The following PTPRD variants were observed in gnomAD, a reference collection of about 807,000 sequenced individuals.
PTPRD encodes receptor-type tyrosine-protein phosphatase delta.
In PTPRD, 34 loss-of-function variants were observed where a neutral mutation model predicts 214.5. The ratio of observed to expected loss-of-function variants is 0.16; its 90% CI spans 0.12 to 0.21. The LOEUF (loss-of-function observed/expected upper bound fraction) is 0.21. Ranked by LOEUF, PTPRD falls within the 10% of genes least tolerant of loss-of-function variation. The probability of loss-of-function intolerance (pLI) is 1.00; values close to 1 mark genes in which losing one functional copy is unlikely to be tolerated. For synonymous variants in PTPRD, 1,128 were observed against 845.7 expected (o/e 1.33, Z -5.79); for missense variants, 2,545 against 2,398.7 (o/e 1.06, Z -1.27).
At chr9:9,950,311 G>A (rs1248671150) in intron 4 of PTPRD, among the ~76,000 whole-genome samples, 1 of 152,140 alleles carries the variant, frequency 6.6e-6, no homozygotes, top group African/African-American at 2.4e-5. Flanking sequence ...TAGAAGTGTG[G>A]GGAGTTCATT....
At chr9:8,371,557 G>C (rs776568551) in intron 39 of PTPRD, among the ~76,000 whole-genome samples, 1 of 152,018 alleles carries the variant, frequency 6.6e-6, no homozygotes, top group African/African-American at 2.4e-5. Context: ...TTTCTCCAGA[G>C]TTACAACTCA....
chr9:8,735,152 G>GTTT (rs1380564021), intron 11 of PTPRD, among the ~76,000 whole-genome samples: 15 of 125,524 alleles, frequency 1.2e-4, no homozygotes, highest in East Asian at 8.8e-4. Flanking sequence ...TTTTTTTTCT[G>GTTT]TTTTTTTTTT....
chr9:9,430,655 C>T (rs2082731467), intron 8 of PTPRD, among the ~76,000 whole-genome samples: 2 of 152,176 alleles, frequency 1.3e-5, no homozygotes, highest in South Asian at 4.1e-4. Context: ...TCAAACTATA[C>T]TACAATGCTA....
At chr9:9,539,993 T>A (rs997827851) in intron 8 of PTPRD, among the ~76,000 whole-genome samples, 1 of 151,842 alleles carries the variant, frequency 6.6e-6, no homozygotes, top group Non-Finnish European at 1.5e-5. Flanking sequence ...TTTATCCCAT[T>A]TTGAGATGAA....
Position 9,528,205 on chromosome 9 carries a change from T to C in PTPRD, c.-237+46527A>G, listed in dbSNP as rs576275463. Among the ~76,000 whole-genome samples the C allele has an allele frequency of 1.1e-3, 169 of 152,244 alleles. 1 individual carries two copies. The highest frequency in any genetic ancestry group is 3.6e-3 in the African/African-American group (151 of 41,528). On this transcript the variant is annotated intron_variant, in intron 8 of 45. Coordinates refer to ENST00000381196, the MANE Select transcript of PTPRD (RefSeq NM_002839.4). Reference sequence around the variant, plus strand: ...ATCTTCAAGGGACTCTACCAAGCCTTTCACTGAGCAATTGTCTGTGTATTC... The same window carrying C: ...ATCTTCAAGGGACTCTACCAAGCCTCTCACTGAGCAATTGTCTGTGTATTC...
Position 8,821,857 on chromosome 9 carries a change from G to A in PTPRD, c.-103-87911C>T, listed in dbSNP as rs1333209475. 2.0e-5 allele frequency among the ~76,000 whole-genome samples: 3 copies of A among 152,218 alleles called. No individual in the cohort carries two copies. The East Asian group carries it at 5.8e-4, about 29-fold the overall frequency. ...TTTTTGTATTTTTAGTAGAGACGGG[G>A]TTTCACCATCTTGGCCAGGCTGGTA... is the stretch of plus-strand genomic sequence containing the variant. On this transcript the variant is annotated intron_variant, in intron 11 of 45. Transcript: ENST00000381196.
rs1315743688 is a variant in PTPRD at position 9,757,120 on chromosome 9, G to T, written c.-326+9690C>A. ...ACAGGAATTCAGGCCCTATAACAAA[G>T]ATTGGGCAGTTTACCGAGATTCCCT... On this transcript the variant is annotated intron_variant, in intron 6 of 45. Transcript: ENST00000381196. 2.0e-5 allele frequency among the ~76,000 whole-genome samples: 3 copies of T among 152,152 alleles called. No individual in the cohort carries two copies. In the East Asian group the frequency reaches 5.8e-4, roughly 29 times the overall value.
At chr9:9,348,179 C>A (rs1163873219) in intron 9 of PTPRD, among the ~76,000 whole-genome samples, 3 of 152,094 alleles carry the variant, frequency 2.0e-5, no homozygotes, top group Non-Finnish European at 2.9e-5. Context: ...AGAAAAGAAG[C>A]AAGAATGTTA....
At chr9:9,292,029 A>G (rs1951322902) in intron 9 of PTPRD, among the ~76,000 whole-genome samples, 1 of 151,296 alleles carries the variant, frequency 6.6e-6, no homozygotes, top group South Asian at 2.1e-4. Context: ...GGTAATGTGA[A>G]TAAGTAATAC....
chr9:8,694,943 T>C (rs1188334931), intron 12 of PTPRD, among the ~76,000 whole-genome samples: 1 of 152,228 alleles, frequency 6.6e-6, no homozygotes, highest in East Asian at 1.9e-4. Flanking sequence ...TTTTGGGCTA[T>C]AGATAACAGA....
chr9:10,546,419 C>T (rs1285623740), intron 2 of PTPRD, among the ~76,000 whole-genome samples: 2 of 152,034 alleles, frequency 1.3e-5, no homozygotes, highest in Non-Finnish European at 2.9e-5. Context: ...TGAAAAGCCT[C>T]AGCAAACTTT....
rs1352810949 is a variant in PTPRD at position 8,526,596 on chromosome 9, C to T, written c.568+31G>A. The T allele has an allele frequency of 1.9e-6, 3 of 1,550,170 alleles. No homozygotes were observed. The African/African-American group carries it at 4.1e-5, about 21-fold the overall frequency. ...AAAGGACAGAAAGAATGAGTAAGAT[C>T]ATTCTGTGAACGTTAGTTCAGCACT... On this transcript the variant is annotated intron_variant, in intron 17 of 45. Coordinates refer to ENST00000381196, the MANE Select transcript of PTPRD (RefSeq NM_002839.4).
intron 4 of PTPRD, among the ~76,000 whole-genome samples, chr9:10,011,164 A>G (rs2096591538): frequency 6.6e-6 from 1 of 152,126 alleles, no homozygotes; most frequent in South Asian, 2.1e-4. Context: ...CACACAGATT[A>G]GACTATTTTT....
chr9:9,436,402 G>A (rs1049727530), intron 8 of PTPRD, among the ~76,000 whole-genome samples: 2 of 152,082 alleles, frequency 1.3e-5, no homozygotes, highest in Admixed American at 6.5e-5. Flanking sequence ...TAAGACACTG[G>A]ATATATTGAA....
chr9:8,328,423 G>A lies in PTPRD; in HGVS notation c.5534+3159C>T, dbSNP rs1037409950. Reference sequence around the variant, plus strand: ...ATGTGCTTCCCTTTGTGGGCACGCCGACATTTGTCTCTGGCTGCCCTTAAC... The same window carrying A: ...ATGTGCTTCCCTTTGTGGGCACGCCAACATTTGTCTCTGGCTGCCCTTAAC... On this transcript the variant is annotated intron_variant, in intron 44 of 45. Coordinates refer to ENST00000381196, the MANE Select transcript of PTPRD (RefSeq NM_002839.4). Among the ~76,000 whole-genome samples, 8 of 152,124 alleles carry A rather than the reference G, an allele frequency of 5.3e-5. No individual in the cohort carries two copies. In the South Asian group the frequency reaches 6.2e-4, roughly 12 times the overall value.
At chr9:8,535,381 A>C (rs1319745845) in intron 14 of PTPRD, among the ~76,000 whole-genome samples, 1 of 151,960 alleles carries the variant, frequency 6.6e-6, no homozygotes, top group Non-Finnish European at 1.5e-5. Context: ...AACCTCTGCA[A>C]AGCCAATAAA....
rs1555494945 is a variant in PTPRD, at chr9:10,031,647, T to TACATACACACACACACAC, written c.-472+2070_-472+2071insGTGTGTGTGTGTGTATGT. The stretch of plus-strand genomic sequence containing the variant: ...CTCCATATATATATATATATATATA[T>TACATACACACACACACAC]ACACACACACACACACACATACACA... On this transcript the variant is annotated intron_variant, in intron 4 of 45. Transcript: ENST00000381196. Among the ~76,000 whole-genome samples the TACATACACACACACACAC allele has an allele frequency of 1.5e-4, 13 of 89,640 alleles. 1 individual carries two copies. Among genetic ancestry groups the TACATACACACACACACAC allele is most frequent in the African/African-American group, 8.9e-4 (11 of 12,360 alleles). The allele number at this position is 89,640 out of a possible 152,430, so 58.8% of individuals were successfully genotyped here. A position where few individuals can be genotyped will look rare whatever the true frequency, so the allele number is the denominator to read the frequency against.
At chr9:9,374,092 G>A (rs957630554) in intron 9 of PTPRD, among the ~76,000 whole-genome samples, 14 of 151,550 alleles carry the variant, frequency 9.2e-5, no homozygotes, top group Non-Finnish European at 1.9e-4. Flanking sequence ...GGAATTGTAC[G>A]CAACCATAAA....
intron 11 of PTPRD, among the ~76,000 whole-genome samples, chr9:8,952,951 A>G (rs1055354953): frequency 6.0e-5 from 7 of 116,176 alleles, no homozygotes; most frequent in Non-Finnish European, 1.4e-4. Flanking sequence ...CTTTCAGTAT[A>G]TGTTAGGTTA....
Sources: gnomAD v4.1 joint callset for allele counts (sites outside exome capture counted in the v4.1 genomes callset) on GRCh38, gnomAD v4.1.1 for gene constraint, MANE v1.5 for transcripts, NCBI Gene and HGNC (gene_info 2026-07-23, HGNC 2026-07-21) for gene names.